EXT2: variants seen among roughly 807,000 people sequenced by gnomAD.
EXT2 encodes exostosin-2.
Under a neutral mutation model 81.6 loss-of-function variants are expected in EXT2, and 53 were observed. The ratio of observed to expected loss-of-function variants is 0.65; its 90% CI spans 0.52 to 0.82. The LOEUF (loss-of-function observed/expected upper bound fraction) is 0.82. Among genes scored for constraint, EXT2 ranks in the 40% least tolerant of loss-of-function variants. EXT2 has a pLI of 0.00. For synonymous variants in EXT2, 320 were observed against 340.0 expected (o/e 0.94, Z 0.65); for missense variants, 774 against 910.2 (o/e 0.85, Z 1.93).
chr11:44,108,164 G>C lies in EXT2; in HGVS notation c.452G>C (p.Cys151Ser). 2 of 1,614,084 alleles carry C rather than the reference G, an allele frequency of 1.2e-6. No individual in the cohort carries two copies. Among genetic ancestry groups the C allele is most frequent in the African/African-American group, 1.3e-5 (1 of 75,048 alleles). ...TACACTGATGACATCAACCGGGCCT[G>C]TCTGTTTGTTCCCTCCATCGATGTG... ...DYYTDDINRA[C>S]LFVPSIDVLN... Residue 151 changes from cysteine to serine, a missense_variant, in exon 2 of 14, where the codon TGT becomes TCT. Physicochemically the swap from Cys to Ser is moderately radical, Grantham distance 112. This residue lies in a region of EXT2 where 626 missense variants were observed against 670.5 expected (regional missense o/e 0.93). Transcript: ENST00000533608.
intron 1 of EXT2, among the ~76,000 whole-genome samples, chr11:44,105,851 T>C (rs1222766397): frequency 5.3e-5 from 8 of 152,208 alleles, no homozygotes; most frequent in African/African-American, 1.9e-4. Context: ...TTTATATATC[T>C]ATAGCTGTAT....
At chr11:44,193,972 G>A (rs944624047) in intron 8 of EXT2, among the ~76,000 whole-genome samples, 5 of 152,184 alleles carry the variant, frequency 3.3e-5, no homozygotes, top group Non-Finnish European at 7.3e-5. Context: ...GATGAGACCC[G>A]ATCTGTTGTC....
At chr11:44,237,845 C>T (rs1167621170) in intron 13 of EXT2, among the ~76,000 whole-genome samples, 1 of 149,036 alleles carries the variant, frequency 6.7e-6, no homozygotes, top group Admixed American at 6.7e-5. Context: ...TGGTGGATCA[C>T]CTGAGGTCAG....
At chr11:44,153,701 G>T (rs2135089036) in intron 7 of EXT2, among the ~76,000 whole-genome samples, 1 of 152,076 alleles carries the variant, frequency 6.6e-6, no homozygotes, top group East Asian at 1.9e-4. Flanking sequence ...TTCCTAGTTT[G>T]CTGAGAGTTT....
intron 1 of EXT2, among the ~76,000 whole-genome samples, chr11:44,099,421 G>C (rs1191793216): frequency 6.6e-6 from 1 of 152,128 alleles, no homozygotes; most frequent in Non-Finnish European, 1.5e-5. Flanking sequence ...TCCTGATCTT[G>C]TGATTCGCCC....
chr11:44,183,262 C>T (rs1283428329), intron 8 of EXT2, among the ~76,000 whole-genome samples: 1 of 152,182 alleles, frequency 6.6e-6, no homozygotes, highest in Non-Finnish European at 1.5e-5. Context: ...TGGGGTACTA[C>T]TTTGAGACTA....
In EXT2 at chr11:44,247,865, AAGAT is replaced by A. The variant is rs1956108991; in HGVS notation, c.*3581_*3584del. Among the ~76,000 whole-genome samples, 1 of 152,238 alleles carries A rather than the reference AAGAT, an allele frequency of 6.6e-6. No homozygotes were observed. Among genetic ancestry groups the A allele is most frequent in the Non-Finnish European group, 1.5e-5 (1 of 68,038 alleles). ...GAAACTAGAGCGTCTTTATCACTGAAAGATAGCACGTTTCTAGCCACAGGTTCTG... is the reference window on the plus strand; with the variant it reads ...GAAACTAGAGCGTCTTTATCACTGAAAGCACGTTTCTAGCCACAGGTTCTG... On this transcript the variant is annotated 3_prime_UTR_variant, in exon 14 of 14. Coordinates refer to ENST00000533608, the MANE Select transcript of EXT2 (RefSeq NM_207122.2).
chr11:44,199,794 T>A (rs1031324202), intron 9 of EXT2, among the ~76,000 whole-genome samples: 6 of 152,206 alleles, frequency 3.9e-5, no homozygotes, highest in African/African-American at 1.4e-4. Flanking sequence ...AGCCCAGATT[T>A]TGGAGTTGGG....
At chr11:44,182,169 C>T (rs1231818036) in intron 8 of EXT2, among the ~76,000 whole-genome samples, 1 of 152,072 alleles carries the variant, frequency 6.6e-6, no homozygotes, top group African/African-American at 2.4e-5. Context: ...GGTGCCTCAC[C>T]CTGCTTTCTG....
intron 9 of EXT2, among the ~76,000 whole-genome samples, chr11:44,203,683 G>A (rs1955547246): frequency 6.6e-6 from 1 of 152,166 alleles, no homozygotes; most frequent in South Asian, 2.1e-4. Flanking sequence ...AGCTGCCCCA[G>A]GGAAGAGGTG....
At chr11:44,131,884 C>T (rs1476305276) in intron 7 of EXT2, among the ~76,000 whole-genome samples, 3 of 152,102 alleles carry the variant, frequency 2.0e-5, no homozygotes, top group East Asian at 1.9e-4. Flanking sequence ...ACTACAGGCA[C>T]GCGCCACCAT....
At chr11:44,107,558 T>A in intron 1 of EXT2, 125 bp from the exon 2 acceptor site, 1 of 874,102 alleles carries the variant, frequency 1.1e-6, no homozygotes, top group South Asian at 1.8e-5. Context: ...CACTCCAGCC[T>A]GAGTGACAGA....
chr11:44,106,281 C>A (rs986634241), intron 1 of EXT2, among the ~76,000 whole-genome samples: 44 of 152,128 alleles, frequency 2.9e-4, no homozygotes, highest in African/African-American at 1.0e-3. Flanking sequence ...CCACATTGGC[C>A]CTTTTCCTCC....
At chr11:44,152,771 A>G (rs2135086556) in intron 7 of EXT2, among the ~76,000 whole-genome samples, 1 of 152,250 alleles carries the variant, frequency 6.6e-6, no homozygotes, top group Non-Finnish European at 1.5e-5. Context: ...TTTCAGCACC[A>G]TTTGTGGAAA....
intron 7 of EXT2, among the ~76,000 whole-genome samples, chr11:44,157,676 A>G (rs1954873609): frequency 6.6e-6 from 1 of 152,064 alleles, no homozygotes; most frequent in East Asian, 1.9e-4. Flanking sequence ...CCAGGAACCA[A>G]GGCCTGGGAT....
At chr11:44,239,836 C>T (rs979955132) in intron 13 of EXT2, among the ~76,000 whole-genome samples, 18 of 151,746 alleles carry the variant, frequency 1.2e-4, no homozygotes, top group Non-Finnish European at 2.9e-5. Flanking sequence ...AAATGTTGAG[C>T]CCAGTCATCC....
intron 10 of EXT2, among the ~76,000 whole-genome samples, chr11:44,231,102 C>T (rs960882099): frequency 6.6e-6 from 1 of 152,104 alleles, no homozygotes; most frequent in African/African-American, 2.4e-5. Context: ...TTTAGGGATG[C>T]TGTGCAAATG....
intron 7 of EXT2, among the ~76,000 whole-genome samples, chr11:44,166,187 A>G (rs991939960): frequency 1.3e-5 from 2 of 152,258 alleles, no homozygotes; most frequent in African/African-American, 4.8e-5. Context: ...AACAGTATAT[A>G]ACAACTAATG....
chr11:44,178,743 C>A (rs1038819040), intron 8 of EXT2, among the ~76,000 whole-genome samples: 1 of 152,102 alleles, frequency 6.6e-6, no homozygotes, highest in South Asian at 2.1e-4. Flanking sequence ...TACCCTGCCC[C>A]CCAGGAGGCC....
Sources: allele counts gnomAD v4.1 joint callset (sites outside exome capture counted in the v4.1 genomes callset), GRCh38; gene constraint gnomAD v4.1.1; regional missense constraint gnomAD v4.1.1; transcripts MANE v1.5; gene names NCBI Gene and HGNC (gene_info 2026-07-23, HGNC 2026-07-21).